BEAN1: variants seen among roughly 807,000 people sequenced by gnomAD.
BEAN1 encodes protein BEAN1.
A neutral mutation model predicts 17.7 loss-of-function variants in BEAN1; 17 were observed. The ratio of observed to expected loss-of-function variants is 0.96; its 90% CI spans 0.66 to 1.44. BEAN1 has a LOEUF of 1.44. Among genes scored for constraint, BEAN1 ranks in the 40% most tolerant of loss-of-function variants. The probability of loss-of-function intolerance (pLI) is 0.00; values close to 1 mark genes in which losing one functional copy is unlikely to be tolerated. For missense variants in BEAN1, 359 were observed against 374.1 expected, an observed-to-expected ratio of 0.96 and a Z score of 0.33; for synonymous variants, 142 against 151.8, an observed-to-expected ratio of 0.94 and a Z score of 0.47.
intron 4 of BEAN1, 111 bp from the exon 5 acceptor site, chr16:66,480,475 C>A: frequency 1.1e-6 from 1 of 885,682 alleles, no homozygotes; most frequent in Non-Finnish European, 1.7e-6. Flanking sequence ...ACAAGGCCCA[C>A]CCTGGTCCAC....
At chr16:66,475,122 G>T (rs1190346715) in intron 3 of BEAN1, among the ~76,000 whole-genome samples, 1 of 152,220 alleles carries the variant, frequency 6.6e-6, no homozygotes, top group Non-Finnish European at 1.5e-5. Context: ...GGGAAGCAGG[G>T]CTTCCGGAGT....
At chr16:66,459,173 AC>A (rs1407643184) in intron 2 of BEAN1, among the ~76,000 whole-genome samples, 4 of 151,920 alleles carry the variant, frequency 2.6e-5, no homozygotes, top group Non-Finnish European at 5.9e-5. Flanking sequence ...GCTCATGGGG[AC>A]CCTTGCAGCA....
At chr16:66,493,170 C>G in exon 5 of BEAN1, 1 of 702,990 alleles carries the variant, frequency 1.4e-6, no homozygotes, top group East Asian at 2.7e-5. Context: ...ACCGCGGGCA[C>G]ACGGATGCTT....
At chr16:66,472,188 G>A (rs1387114616) in intron 3 of BEAN1, among the ~76,000 whole-genome samples, 1 of 152,206 alleles carries the variant, frequency 6.6e-6, no homozygotes, top group Admixed American at 6.5e-5. Context: ...CACCTACCAG[G>A]CAGAGCTGGA....
chr16:66,494,777 C>T (rs144019344), downstream of BEAN1, among the ~76,000 whole-genome samples: 7 of 152,346 alleles, frequency 4.6e-5, no homozygotes, highest in East Asian at 1.3e-3. Flanking sequence ...CCCCCTCTAC[C>T]TGCCATCTCC....
intron 2 of BEAN1, among the ~76,000 whole-genome samples, chr16:66,462,578 G>T (rs1228054366): frequency 6.6e-6 from 1 of 152,184 alleles, no homozygotes; most frequent in East Asian, 1.9e-4. Context: ...GAGGCGGGTG[G>T]ATCACCTGAG....
At chr16:66,441,945 A>G (rs1052917546) in intron 2 of BEAN1, among the ~76,000 whole-genome samples, 2 of 152,048 alleles carry the variant, frequency 1.3e-5, no homozygotes, top group Non-Finnish European at 2.9e-5. Flanking sequence ...CCCCTCATGG[A>G]GATAGTGCCA....
chr16:66,490,337 C>G (rs1796005898), intron 4 of BEAN1, among the ~76,000 whole-genome samples: 1 of 143,384 alleles, frequency 7.0e-6, no homozygotes, highest in African/African-American at 2.6e-5. Context: ...GTGGAAATTG[C>G]AGTGGGCCAA....
chr16:66,484,463 C>G (rs1964056634), downstream of BEAN1: 1 of 385,598 alleles, frequency 2.6e-6, no homozygotes, highest in African/African-American at 2.1e-5. The surrounding 1 kb of genome is among the most constrained non-coding windows in gnomAD (Gnocchi z 4.2). Context: ...GCACCACATT[C>G]AAGGTCCTTT....
intron 2 of BEAN1, among the ~76,000 whole-genome samples, chr16:66,462,599 C>T (rs1334718009): frequency 2.0e-5 from 3 of 152,066 alleles, no homozygotes; most frequent in African/African-American, 4.8e-5. Flanking sequence ...GTCAGGAGTT[C>T]GAGACCAGCC....
intron 2 of BEAN1, among the ~76,000 whole-genome samples, chr16:66,448,831 A>G (rs1295999598): frequency 6.6e-6 from 1 of 152,102 alleles, no homozygotes; most frequent in Non-Finnish European, 1.5e-5. Context: ...AAAAGAAAAG[A>G]AAAAGAAAGA....
chr16:66,448,555 C>G (rs1280363861), intron 2 of BEAN1, among the ~76,000 whole-genome samples: 5 of 152,232 alleles, frequency 3.3e-5, no homozygotes, highest in African/African-American at 1.2e-4. Context: ...GGTGCGGTGG[C>G]TCACACCTGT....
Position 66,444,440 on chromosome 16 carries a change from G to A in BEAN1, c.25+6739G>A, listed in dbSNP as rs150039204. On this transcript the variant is annotated intron_variant, in intron 2 of 4. Coordinates refer to ENST00000536005, the MANE Select transcript of BEAN1 (RefSeq NM_001178020.3). ...GCCAGCCAATGACAGGTGGCTGGAG[G>A]CAGGTCCCCTCGGTGGTCCCTGCTG... 1.3e-4 allele frequency among the ~76,000 whole-genome samples: 20 copies of A among 152,272 alleles called. No homozygotes were observed. The East Asian group carries it at 3.5e-3, about 26-fold the overall frequency.
At chr16:66,461,891 GCAAT>G (rs1479395078) in intron 2 of BEAN1, among the ~76,000 whole-genome samples, 1 of 152,206 alleles carries the variant, frequency 6.6e-6, no homozygotes, top group Non-Finnish European at 1.5e-5. Context: ...ATGACAGAGA[GCAAT>G]CAGAGTGGCC....
intron 1 of BEAN1, among the ~76,000 whole-genome samples, chr16:66,432,183 C>T (rs567355075): frequency 6.6e-6 from 1 of 152,340 alleles, no homozygotes; most frequent in South Asian, 2.1e-4. Context: ...CCTCTGCCCA[C>T]CTCAGTGCTT....
chr16:66,461,671 G>C (rs959206427), intron 2 of BEAN1, among the ~76,000 whole-genome samples: 10 of 152,060 alleles, frequency 6.6e-5, no homozygotes, highest in African/African-American at 2.4e-4. Context: ...CCCTGCCATG[G>C]CCAGGGGTCA....
intron 4 of BEAN1, among the ~76,000 whole-genome samples, chr16:66,488,316 A>C (rs1182393078): frequency 1.3e-5 from 2 of 152,128 alleles, no homozygotes; most frequent in African/African-American, 4.8e-5. Context: ...CTCCCTAGGG[A>C]ACAAAACTGC....
At chr16:66,450,763 A>G (rs1962643602) in intron 2 of BEAN1, among the ~76,000 whole-genome samples, 1 of 152,030 alleles carries the variant, frequency 6.6e-6, no homozygotes, top group African/African-American at 2.4e-5. Context: ...GAAAAGAAAA[A>G]GAAAAAATCT....
rs144828454 is a variant in BEAN1, at chr16:66,472,478, C to T, written c.289+2613C>T. On this transcript the variant is annotated intron_variant, in intron 3 of 4. Transcript: ENST00000536005. ...TAGCACTTTGGGAGGCTGAGGCGGA[C>T]GGATCATCTGAAGTCAGGAGTTCAA... Among the ~76,000 whole-genome samples the T allele has an allele frequency of 4.2e-3, 645 of 152,210 alleles. 4 individuals are homozygous for T. Among genetic ancestry groups the T allele is most frequent in the African/African-American group, 0.014 (591 of 41,536 alleles).
Sources: allele counts gnomAD v4.1 joint callset (sites outside exome capture counted in the v4.1 genomes callset), GRCh38; gene constraint gnomAD v4.1.1; non-coding constraint Gnocchi (gnomAD v3.1); transcripts MANE v1.5; gene names NCBI Gene and HGNC (gene_info 2026-07-23, HGNC 2026-07-21).